The following JAKMIP2 variants were observed in gnomAD, a reference collection of about 807,000 sequenced individuals.
JAKMIP2 encodes janus kinase and microtubule interacting protein 2.
JAKMIP2 carries 25 observed loss-of-function variants against 115.0 expected under a neutral mutation model. The ratio of observed to expected loss-of-function variants is 0.22; its 90% CI spans 0.16 to 0.30. The LOEUF is 0.30. Ranked by LOEUF, JAKMIP2 falls within the 10% of genes least tolerant of loss-of-function variation. The probability of loss-of-function intolerance (pLI) is 1.00; values close to 1 mark genes in which losing one functional copy is unlikely to be tolerated. For missense variants in JAKMIP2, 642 were observed against 957.6 expected (o/e 0.67, Z 4.35); for synonymous variants, 334 against 343.6 (o/e 0.97, Z 0.31).
intron 21 of JAKMIP2, among the ~76,000 whole-genome samples, chr5:147,596,485 T>G (rs1307543244): frequency 1.3e-5 from 2 of 152,214 alleles, no homozygotes; most frequent in African/African-American, 2.4e-5. Flanking sequence ...AAAAACAAAT[T>G]GAATATGAGT....
At chr5:147,598,974 T>C (rs1002414687) in intron 21 of JAKMIP2, among the ~76,000 whole-genome samples, 1 of 152,210 alleles carries the variant, frequency 6.6e-6, no homozygotes, top group Non-Finnish European at 1.5e-5. Flanking sequence ...CAGTGATGTT[T>C]TATTCCCTAA....
chr5:147,720,611 G>A (rs1341746057), intron 1 of JAKMIP2, among the ~76,000 whole-genome samples: 21 of 151,792 alleles, frequency 1.4e-4, no homozygotes, highest in Admixed American at 3.3e-4. Flanking sequence ...ATCTTCCATC[G>A]CTGATATCCT....
intron 1 of JAKMIP2, among the ~76,000 whole-genome samples, chr5:147,721,621 G>C (rs931765750): frequency 4.6e-5 from 7 of 152,084 alleles, no homozygotes; most frequent in African/African-American, 1.7e-4. Flanking sequence ...TCCAGGTGCC[G>C]TCAGTCACCC....
In JAKMIP2 at chr5:147,645,269, C is replaced by T. The variant is rs188700112; in HGVS notation, c.937-273G>A. Among the ~76,000 whole-genome samples, 15 of 152,224 alleles carry T rather than the reference C, an allele frequency of 9.9e-5. No homozygotes were observed. In the East Asian group the frequency reaches 2.9e-3, roughly 29 times the overall value. On this transcript the variant is annotated intron_variant, in intron 5 of 21. Transcript: ENST00000616793. ...TCCAGAGACTGGTTTTGGAAATGCT[C>T]GGGAGGACGCGCTCTCCTTGCTTTC...
intron 1 of JAKMIP2, among the ~76,000 whole-genome samples, chr5:147,721,344 A>T (rs1196387535): frequency 1.3e-5 from 2 of 152,222 alleles, no homozygotes; most frequent in African/African-American, 4.8e-5. Context: ...CTACAGAGGC[A>T]GGCAAGCCTC....
chr5:147,630,883 T>C (rs1381370443), intron 14 of JAKMIP2, among the ~76,000 whole-genome samples: 1 of 152,146 alleles, frequency 6.6e-6, no homozygotes, highest in Admixed American at 6.6e-5. Context: ...AAAAAGATAA[T>C]TATATTCTAT....
At chr5:147,666,008 A>G (rs1031739930) in intron 2 of JAKMIP2, among the ~76,000 whole-genome samples, 5 of 152,198 alleles carry the variant, frequency 3.3e-5, no homozygotes, top group Non-Finnish European at 7.4e-5. Context: ...ACAAAAACAA[A>G]CACTGTCTAT....
intron 20 of JAKMIP2, among the ~76,000 whole-genome samples, chr5:147,610,437 C>A (rs1001815389): frequency 6.6e-6 from 1 of 152,188 alleles, no homozygotes; most frequent in Admixed American, 6.5e-5. Flanking sequence ...AACAGTCAGG[C>A]CCCTCTGCTG....
chr5:147,676,848 G>A (rs1170951683), intron 1 of JAKMIP2, among the ~76,000 whole-genome samples: 1 of 152,198 alleles, frequency 6.6e-6, no homozygotes, highest in Non-Finnish European at 1.5e-5. Context: ...TCATTTATCA[G>A]ACATTTATTG....
chr5:147,730,364 C>T (rs1342425387), intron 1 of JAKMIP2, among the ~76,000 whole-genome samples: 1 of 152,156 alleles, frequency 6.6e-6, no homozygotes, highest in Non-Finnish European at 1.5e-5. Flanking sequence ...AAAGCCTCCA[C>T]CCTCAACATC....
intron 3 of JAKMIP2, among the ~76,000 whole-genome samples, chr5:147,659,447 T>C (rs1758849339): frequency 6.6e-6 from 1 of 152,182 alleles, no homozygotes; most frequent in Admixed American, 6.5e-5. Context: ...TTGGTCTCGC[T>C]GGGAGCTGCA....
intron 1 of JAKMIP2, among the ~76,000 whole-genome samples, chr5:147,765,978 C>A (rs918384448): frequency 6.6e-6 from 1 of 152,096 alleles, no homozygotes; most frequent in African/African-American, 2.4e-5. Flanking sequence ...TACATTCCAA[C>A]CAGTCAAGGC....
chr5:147,715,453 T>A (rs1314257418), intron 1 of JAKMIP2, among the ~76,000 whole-genome samples: 1 of 150,916 alleles, frequency 6.6e-6, no homozygotes, highest in East Asian at 1.9e-4. Flanking sequence ...AATAATTAAA[T>A]ATATATGTAT....
intron 1 of JAKMIP2, among the ~76,000 whole-genome samples, chr5:147,684,189 C>A (rs1760459597): frequency 6.6e-6 from 1 of 151,956 alleles, no homozygotes; most frequent in South Asian, 2.1e-4. Flanking sequence ...AGGAATCAGA[C>A]CATCAACTAA....
intron 20 of JAKMIP2, among the ~76,000 whole-genome samples, chr5:147,606,420 C>T (rs1470420537): frequency 1.3e-5 from 2 of 152,180 alleles, no homozygotes; most frequent in African/African-American, 2.4e-5. Context: ...GTTTTCTGAA[C>T]ACCTTTTATT....
At chr5:147,715,845 C>CT (rs11312315) in intron 1 of JAKMIP2, among the ~76,000 whole-genome samples, 10 of 138,376 alleles carry the variant, frequency 7.2e-5, no homozygotes, top group East Asian at 2.1e-4. Context: ...AATTTACTTT[C>CT]TTTTTTTTTT....
At chr5:147,738,996 C>A (rs1337266696) in intron 1 of JAKMIP2, among the ~76,000 whole-genome samples, 1 of 152,032 alleles carries the variant, frequency 6.6e-6, no homozygotes, top group Non-Finnish European at 1.5e-5. Context: ...AAAATTTTTG[C>A]GGGTGAAATG....
chr5:147,776,585 C>T (rs754247154), intron 1 of JAKMIP2, among the ~76,000 whole-genome samples: 1 of 152,092 alleles, frequency 6.6e-6, no homozygotes, highest in Admixed American at 6.6e-5. Context: ...TCTGAGAAGT[C>T]GTTTAAATAT....
In JAKMIP2 at chr5:147,587,469, G is replaced by A. The variant is rs954334330; in HGVS notation, c.*4238C>T. Reference sequence around the variant, plus strand: ...GTGTGTGTATTCTGTGCCACTCTTTGACAGATTGAAATAATGCAATTAAAT... The same window carrying A: ...GTGTGTGTATTCTGTGCCACTCTTTAACAGATTGAAATAATGCAATTAAAT... On this transcript the variant is annotated 3_prime_UTR_variant, in exon 22 of 22. Transcript: ENST00000616793. 3 of 151,702 alleles carry A rather than the reference G, an allele frequency of 2.0e-5. No homozygotes were observed. The highest frequency in any genetic ancestry group is 4.4e-5 in the Non-Finnish European group (3 of 67,940). 9.4% of individuals were successfully genotyped at this position (151,702 alleles called of 1,614,324 possible). A position where few individuals can be genotyped will look rare whatever the true frequency, so the allele number is the denominator to read the frequency against.
Sources: gnomAD v4.1 joint callset for allele counts (sites outside exome capture counted in the v4.1 genomes callset) on GRCh38, gnomAD v4.1.1 for gene constraint, MANE v1.5 for transcripts, NCBI Gene and HGNC (gene_info 2026-07-23, HGNC 2026-07-21) for gene names.